Variants in SLC35F3 observed in about 807,000 individuals in gnomAD.
The protein encoded by SLC35F3 is putative thiamine transporter SLC35F3.
In SLC35F3, 25 loss-of-function variants were observed where a neutral mutation model predicts 49.9. The ratio of observed to expected loss-of-function variants is 0.50; its 90% CI spans 0.37 to 0.70. SLC35F3 has a LOEUF of 0.70. Among genes scored for constraint, SLC35F3 ranks in the 30% least tolerant of loss-of-function variants. SLC35F3 has a pLI of 0.00. For synonymous variants in SLC35F3, 275 were observed against 265.4 expected (o/e 1.04, Z -0.35); for missense variants, 525 against 639.8 (o/e 0.82, Z 1.94).
At chr1:234,277,880 C>T (rs146738004) in intron 3 of SLC35F3, among the ~76,000 whole-genome samples, 80 of 152,248 alleles carry the variant, frequency 5.3e-4, no homozygotes, top group African/African-American at 1.6e-3. Flanking sequence ...GGAGGATGTG[C>T]GGCATCACTT....
At chr1:234,138,519 G>A (rs1486440541) in intron 2 of SLC35F3, among the ~76,000 whole-genome samples, 2 of 152,176 alleles carry the variant, frequency 1.3e-5, no homozygotes, top group African/African-American at 4.8e-5. Context: ...GGATTTGGCA[G>A]GGAGAGTTTA....
chr1:234,161,129 A>G (rs1666221172), intron 2 of SLC35F3, among the ~76,000 whole-genome samples: 1 of 152,196 alleles, frequency 6.6e-6, no homozygotes, highest in Admixed American at 6.5e-5. Flanking sequence ...TGCACTCAAC[A>G]GGAAGAATTA....
intron 2 of SLC35F3, among the ~76,000 whole-genome samples, chr1:234,137,713 A>G (rs949717331): frequency 1.4e-4 from 21 of 152,336 alleles, no homozygotes; most frequent in Middle Eastern, 3.4e-3. Context: ...AGCTGAAAGT[A>G]TGCGTTGGAA....
chr1:234,139,951 T>TAATAAAATAAAATAAAATAAATAA (rs1665868761), intron 2 of SLC35F3, among the ~76,000 whole-genome samples: 10 of 90,582 alleles, frequency 1.1e-4, no homozygotes, highest in Non-Finnish European at 1.8e-4. Flanking sequence ...CATCTCAAAA[T>TAATAAAATAAAATAAAATAAATAA]AATAAAATAA....
chr1:233,920,150 A>G (rs1429561824), intron 2 of SLC35F3, among the ~76,000 whole-genome samples: 1 of 152,218 alleles, frequency 6.6e-6, no homozygotes, highest in Non-Finnish European at 1.5e-5. Flanking sequence ...ATTGGAGGCA[A>G]TATTGTAAGT....
chr1:234,263,777 A>C (rs1222696458), intron 3 of SLC35F3, among the ~76,000 whole-genome samples: 1 of 152,206 alleles, frequency 6.6e-6, no homozygotes, highest in African/African-American at 2.4e-5. Flanking sequence ...CTTGTGCTCA[A>C]GGCTGGCTGA....
chr1:234,261,115 C>G (rs1667897948), intron 3 of SLC35F3, among the ~76,000 whole-genome samples: 1 of 152,110 alleles, frequency 6.6e-6, no homozygotes, highest in South Asian at 2.1e-4. Flanking sequence ...CCCATCCAGG[C>G]TACCTCCCGA....
intron 2 of SLC35F3, among the ~76,000 whole-genome samples, chr1:234,039,806 A>G (rs945769342): frequency 6.6e-6 from 1 of 152,190 alleles, no homozygotes; most frequent in Non-Finnish European, 1.5e-5. Context: ...AACTCCATGC[A>G]CGCCCCGCGG....
intron 3 of SLC35F3, among the ~76,000 whole-genome samples, chr1:234,271,853 A>T (rs942782479): frequency 6.6e-6 from 1 of 152,170 alleles, no homozygotes; most frequent in Non-Finnish European, 1.5e-5. Flanking sequence ...GGCCAGATGC[A>T]GTGGCTCAGG....
chr1:234,244,895 T>C (rs1049489006), intron 3 of SLC35F3, among the ~76,000 whole-genome samples: 18 of 152,220 alleles, frequency 1.2e-4, no homozygotes, highest in Non-Finnish European at 2.2e-4. Context: ...TTTACATGCA[T>C]AGACTATGTA....
chr1:233,955,459 C>T (rs1662681077), intron 2 of SLC35F3, among the ~76,000 whole-genome samples: 1 of 152,166 alleles, frequency 6.6e-6, no homozygotes, highest in African/African-American at 2.4e-5. Context: ...GATTCATCCT[C>T]CTACAACCTG....
At chr1:233,945,735 G>A (rs1174682479) in intron 2 of SLC35F3, among the ~76,000 whole-genome samples, 1 of 152,164 alleles carries the variant, frequency 6.6e-6, no homozygotes, top group Non-Finnish European at 1.5e-5. Flanking sequence ...AGATCTGATG[G>A]TTTTATAAAC....
intron 2 of SLC35F3, among the ~76,000 whole-genome samples, chr1:234,121,326 G>T (rs1665569448): frequency 6.6e-6 from 1 of 151,712 alleles, no homozygotes; most frequent in Admixed American, 6.6e-5. Flanking sequence ...TCTTAGTAGA[G>T]ACGGGGTTTC....
Position 233,929,411 on chromosome 1 carries a change from T to G in SLC35F3, c.283+23653T>G, listed in dbSNP as rs2102792441. 2.0e-5 allele frequency among the ~76,000 whole-genome samples: 3 copies of G among 152,330 alleles called. No individual in the cohort carries two copies. The Middle Eastern group carries it at 0.01, about 518-fold the overall frequency. ...GTACTACTCTGTAAGTGAGAGTTAT[T>G]GAGAAAAGCAGCCTAATCTGACCTC... On this transcript the variant is annotated intron_variant, in intron 2 of 7. Coordinates refer to ENST00000366618, the MANE Select transcript of SLC35F3 (RefSeq NM_173508.4).
intron 3 of SLC35F3, among the ~76,000 whole-genome samples, chr1:234,268,108 G>A: frequency 6.6e-6 from 1 of 152,014 alleles, no homozygotes; most frequent in Non-Finnish European, 1.5e-5. Context: ...GCAGGCGGCT[G>A]GGAGGTGGAG....
intron 2 of SLC35F3, among the ~76,000 whole-genome samples, chr1:234,168,021 A>C (rs1666344230): frequency 1.3e-5 from 2 of 152,188 alleles, no homozygotes; most frequent in Non-Finnish European, 2.9e-5. Flanking sequence ...CAATTCCTGC[A>C]CACTTGTGTG....
intron 3 of SLC35F3, among the ~76,000 whole-genome samples, chr1:234,280,338 C>T (rs1668303068): frequency 1.3e-5 from 2 of 152,234 alleles, no homozygotes; most frequent in Admixed American, 1.3e-4. Context: ...TGCCTAAGCA[C>T]ATTGGTGATA....
chr1:233,983,222 T>A (rs974632982), intron 2 of SLC35F3, among the ~76,000 whole-genome samples: 2 of 152,254 alleles, frequency 1.3e-5, no homozygotes, highest in Admixed American at 6.5e-5. Flanking sequence ...CATTTCAAAT[T>A]TTTTGCCATC....
At chr1:234,158,307 CT>C (rs1379221148) in intron 2 of SLC35F3, among the ~76,000 whole-genome samples, 1 of 152,136 alleles carries the variant, frequency 6.6e-6, no homozygotes, top group Non-Finnish European at 1.5e-5. Flanking sequence ...TAATACATAT[CT>C]ATTGTAAAAA....
Sources: gnomAD v4.1 joint callset for allele counts (sites outside exome capture counted in the v4.1 genomes callset) on GRCh38, gnomAD v4.1.1 for gene constraint, MANE v1.5 for transcripts, NCBI Gene and HGNC (gene_info 2026-07-23, HGNC 2026-07-21) for gene names.